BIRC6: variants seen among roughly 807,000 people sequenced by gnomAD.
BIRC6 encodes baculoviral IAP repeat containing 6.
A neutral mutation model predicts 503.3 loss-of-function variants in BIRC6; 98 were observed. The ratio of observed to expected loss-of-function variants is 0.19; its 90% confidence interval spans 0.17 to 0.23. The LOEUF (loss-of-function observed/expected upper bound fraction) is 0.23. Among genes scored for constraint, BIRC6 ranks in the 10% least tolerant of loss-of-function variants. The pLI is 1.00. For synonymous variants in BIRC6, 2,240 were observed against 2,078.7 expected (o/e 1.08, Z -2.11); for missense variants, 5,360 against 5,806.0 (o/e 0.92, Z 2.50).
chr2:32,385,757 A>G (rs2038356209), intron 3 of BIRC6, among the ~76,000 whole-genome samples: 2 of 152,264 alleles, frequency 1.3e-5, no homozygotes, highest in Middle Eastern at 3.4e-3. Flanking sequence ...ACCTTACTCA[A>G]AATTGGCAAC....
intron 65 of BIRC6, among the ~76,000 whole-genome samples, chr2:32,552,497 A>G (rs939970683): frequency 6.6e-6 from 1 of 152,206 alleles, no homozygotes; most frequent in African/African-American, 2.4e-5. Flanking sequence ...ATCAAAGGTA[A>G]AAAGAGAATA....
chr2:32,463,655 A>G (rs966394753), intron 24 of BIRC6, among the ~76,000 whole-genome samples: 1 of 152,232 alleles, frequency 6.6e-6, no homozygotes, highest in Non-Finnish European at 1.5e-5. Context: ...ATCAAAGAAT[A>G]TGTACAGTTA....
chr2:32,534,717 C>A (rs1219981106), intron 61 of BIRC6, among the ~76,000 whole-genome samples: 1 of 92,428 alleles, frequency 1.1e-5, no homozygotes, highest in South Asian at 3.9e-4. Flanking sequence ...GGTGACAGAG[C>A]AAGACTCTGT....
At chr2:32,564,833 GGCATA>G (rs1322089722) in intron 65 of BIRC6, 1 of 152,250 alleles carries the variant, frequency 6.6e-6, no homozygotes, top group African/African-American at 2.4e-5. Context: ...TCTGTACTAA[GGCATA>G]GCTTTCCAAC....
chr2:32,589,601 T>C (rs1033697941), intron 66 of BIRC6, among the ~76,000 whole-genome samples: 8 of 152,236 alleles, frequency 5.3e-5, no homozygotes, highest in Non-Finnish European at 1.0e-4. Flanking sequence ...ATAGCATTTG[T>C]TATACCCATA....
intron 61 of BIRC6, among the ~76,000 whole-genome samples, chr2:32,542,779 G>A (rs2057769529): frequency 6.6e-6 from 1 of 152,130 alleles, no homozygotes; most frequent in Non-Finnish European, 1.5e-5. Flanking sequence ...GCTGTCATGT[G>A]CGTCTTGATG....
In BIRC6 at chr2:32,499,710, A is replaced by G; in HGVS notation, c.8632A>G (p.Met2878Val). Residue 2878 changes from methionine (M) to valine (V), a missense_variant, in exon 46 of 74, where the codon ATG becomes GTG. Transcript: ENST00000421745. ...HHYITCSDKV[M>V]SRSGSDSSVG... The stretch of plus-strand genomic sequence containing the variant: ...CTATATCACTTGCTCAGACAAAGTA[A>G]TGTCAAGAAGTGGATCAGATAGCTC... 1.9e-6 allele frequency: 3 copies of G among 1,614,000 alleles called. No individual in the cohort carries two copies. Among genetic ancestry groups the G allele is most frequent in the South Asian group, 1.1e-5 (1 of 91,080 alleles).
rs750311493 is a variant in BIRC6 at position 32,488,640 on chromosome 2, C to T, written c.8021C>T (p.Thr2674Ile). 4 of 1,517,068 alleles carry T rather than the reference C, an allele frequency of 2.6e-6. No homozygotes were observed. In the Admixed American group the frequency reaches 6.1e-5, roughly 23 times the overall value. The allele number at this position is 1,517,068 out of a possible 1,614,324, so 94.0% of individuals were successfully genotyped here. A position where few individuals can be genotyped will look rare whatever the true frequency, so the allele number is the denominator to read the frequency against. ...ACACTGAGCCTGAATTCTAGTTCAA[C>T]TGGAAACAAAGAAAATGGAGCAGAC... ...WLTLSLNSSS[T>I]GNKENGADIF... The change falls in exon 42 of 74, where the codon ACT becomes ATT. Residue 2674 changes from threonine (T) to isoleucine (I), a missense_variant. By Grantham distance (89) the Thr-to-Ile change is moderately conservative (BLOSUM62 -1). Transcript: ENST00000421745.
At chr2:32,530,021 C>A (rs1325695579) in intron 60 of BIRC6, among the ~76,000 whole-genome samples, 197 bp downstream of exon 60, 1 of 151,946 alleles carries the variant, frequency 6.6e-6, no homozygotes, top group Non-Finnish European at 1.5e-5. Context: ...CTTATAACAT[C>A]ATTTGTTTTA....
chr2:32,411,809 C>T (rs1157486120), intron 9 of BIRC6, among the ~76,000 whole-genome samples: 1 of 152,104 alleles, frequency 6.6e-6, no homozygotes, highest in African/African-American at 2.4e-5. Flanking sequence ...GGTATTATTG[C>T]TAATGATGTT....
chr2:32,403,551 C>G (rs142618736), intron 8 of BIRC6, among the ~76,000 whole-genome samples: 1 of 152,212 alleles, frequency 6.6e-6, no homozygotes, highest in South Asian at 2.1e-4. Context: ...CTAGATGATT[C>G]ACTTGTCATT....
At position 32,502,779 on chromosome 2, in the gene BIRC6, A is replaced by T. The variant is rs1381566709; in HGVS notation, c.9208-16A>T. ...AGGAATATATAAAGTCATAATATGC[A>T]TATTTCATTTTTTAGGGCTCTCTTG... On this transcript the variant is annotated splice_polypyrimidine_tract_variant and intron_variant, in intron 47 of 73. Transcript: ENST00000421745. 6.3e-7 allele frequency: 1 copy of T among 1,575,568 alleles called. No individual in the cohort carries two copies. The highest frequency in any genetic ancestry group is 1.7e-5 in the Admixed American group (1 of 58,034).
intron 17 of BIRC6, 131 bp from the exon 18 acceptor site, chr2:32,441,934 C>A: frequency 4.9e-6 from 3 of 609,656 alleles, no homozygotes; most frequent in Non-Finnish European, 7.7e-6. Flanking sequence ...TGACATATAG[C>A]TATTGATTGT....
intron 5 of BIRC6, among the ~76,000 whole-genome samples, chr2:32,393,974 A>C (rs2039564240): frequency 6.7e-6 from 1 of 149,978 alleles, no homozygotes; most frequent in African/African-American, 2.4e-5. Context: ...ATATATGAAT[A>C]TTTTATTCAA....
rs183800811 is a variant in BIRC6 at position 32,608,981 on chromosome 2, G to A, written c.14259+1338G>A. Among the ~76,000 whole-genome samples the A allele has an allele frequency of 5.7e-4, 86 of 152,118 alleles. 4 individuals carry two copies. The East Asian group carries it at 0.015, about 27-fold the overall frequency. On this transcript the variant is annotated intron_variant, in intron 72 of 73. Coordinates refer to ENST00000421745, the MANE Select transcript of BIRC6 (RefSeq NM_016252.4). ...TGCACCCTCCGCCTCCCCGGTTCAA[G>A]TGATTCTCATGCCTCAGCCTCCCGA...
intron 3 of BIRC6, among the ~76,000 whole-genome samples, chr2:32,385,110 A>G (rs2038245778): frequency 1.3e-5 from 2 of 152,238 alleles, no homozygotes; most frequent in Non-Finnish European, 2.9e-5. Context: ...TCTATTGAGA[A>G]GATTTACCTT....
At chr2:32,504,438 C>T (rs1308240121) in intron 49 of BIRC6, among the ~76,000 whole-genome samples, 4 of 151,598 alleles carry the variant, frequency 2.6e-5, no homozygotes, top group East Asian at 1.9e-4. Context: ...GTGGCCGAGG[C>T]GGGTGGATCA....
intron 1 of BIRC6, among the ~76,000 whole-genome samples, chr2:32,358,056 G>GAAGAGC (rs2033435868): frequency 7.6e-6 from 1 of 132,094 alleles, no homozygotes. Context: ...GGGTGGGGTG[G>GAAGAGC]GTCGTGGTGG....
chr2:32,588,975 T>C (rs775105641), intron 66 of BIRC6, among the ~76,000 whole-genome samples: 1 of 152,184 alleles, frequency 6.6e-6, no homozygotes, highest in Admixed American at 6.5e-5. Flanking sequence ...AATATAGCCA[T>C]AGTAGTTTTA....
Sources: gnomAD v4.1 joint callset for allele counts (sites outside exome capture counted in the v4.1 genomes callset) on GRCh38, gnomAD v4.1.1 for gene constraint, MANE v1.5 for transcripts, NCBI Gene and HGNC (gene_info 2026-07-23, HGNC 2026-07-21) for gene names.